The following SMAD6 variants were observed in gnomAD, a reference collection of about 807,000 sequenced individuals.
SMAD6 encodes the protein SMAD family member 6, also known as MAD homolog 6.
SMAD6 carries 103 observed loss-of-function variants against 39.4 expected under a neutral mutation model. The observed-to-expected ratio is 2.62, with a 90% CI of 2.23 to 3.08. SMAD6 has a LOEUF of 3.08. SMAD6 is among the 30% of genes most tolerant of loss of function. SMAD6 has a pLI of 0.00. For missense variants in SMAD6, 1,104 were observed against 742.9 expected (o/e 1.49, Z -5.65); for synonymous variants, 445 against 353.3 (o/e 1.26, Z -2.91).
chr15:66,756,676 A>G (rs938042123), intron 3 of SMAD6, among the ~76,000 whole-genome samples: 4 of 26,220 alleles, frequency 1.5e-4, no homozygotes, highest in African/African-American at 6.5e-4. Flanking sequence ...GCCAGTGGAG[A>G]TTGGGGCCAG....
intron 1 of SMAD6, among the ~76,000 whole-genome samples, chr15:66,709,460 G>A (rs1893185497): frequency 6.6e-6 from 1 of 152,142 alleles, no homozygotes; most frequent in South Asian, 2.1e-4. Flanking sequence ...CACCTTTTGA[G>A]TCCCAGGTAA....
chr15:66,774,363 C>T (rs1894429381), intron 3 of SMAD6, among the ~76,000 whole-genome samples: 1 of 152,230 alleles, frequency 6.6e-6, no homozygotes, highest in African/African-American at 2.4e-5. Flanking sequence ...TGTCCCTGCA[C>T]CCCCACAAAA....
At chr15:66,746,736 A>G (rs1460407237) in intron 3 of SMAD6, among the ~76,000 whole-genome samples, 1 of 152,150 alleles carries the variant, frequency 6.6e-6, no homozygotes, top group Non-Finnish European at 1.5e-5. Flanking sequence ...ACGATAATCA[A>G]ACTGCTCAGG....
intron 3 of SMAD6, among the ~76,000 whole-genome samples, chr15:66,773,064 G>A (rs1894405209): frequency 6.6e-6 from 1 of 152,112 alleles, no homozygotes; most frequent in Non-Finnish European, 1.5e-5. Context: ...CCAGTGTAGA[G>A]ACCAGCCGCC....
chr15:66,782,278 G>A lies in SMAD6; in HGVS notation c.*743G>A. The A allele has an allele frequency of 5.1e-6, 1 of 196,870 alleles. No homozygotes were observed. The highest frequency in any genetic ancestry group is 1.0e-5 in the Non-Finnish European group (1 of 98,814). 12.2% of individuals were successfully genotyped at this position (196,870 alleles called of 1,614,324 possible). A position where few individuals can be genotyped will look rare whatever the true frequency, so the allele number is the denominator to read the frequency against. On this transcript the variant is annotated 3_prime_UTR_variant, in exon 4 of 4. Transcript: ENST00000288840. ...CTGGACAAGCTCTTCCAGTCTGATG[G>A]AGGAGGTTCATGCCCTAGCCTAGAA...
chr15:66,735,510 A>C (rs530833600), intron 3 of SMAD6, among the ~76,000 whole-genome samples: 1 of 152,202 alleles, frequency 6.6e-6, no homozygotes, highest in Non-Finnish European at 1.5e-5. Flanking sequence ...ATAACTGTTG[A>C]ATCTGGGTGA....
rs534603974 is a variant in SMAD6 at position 66,773,236 on chromosome 15, C to T, written c.953-7761C>T. 3.4e-4 allele frequency among the ~76,000 whole-genome samples: 52 copies of T among 151,898 alleles called. No individual in the cohort carries two copies. In the East Asian group the frequency reaches 9.7e-3, roughly 28 times the overall value. ...GGGGGTGGGGAGGGGTGGGTGGGAG[C>T]GAGTAAGAGGAAACTCCTGTCAGCT... is the stretch of plus-strand genomic sequence containing the variant. On this transcript the variant is annotated intron_variant, in intron 3 of 3. Coordinates refer to ENST00000288840, the MANE Select transcript of SMAD6 (RefSeq NM_005585.5).
chr15:66,747,917 C>G lies in SMAD6; in HGVS notation c.952+31419C>G, dbSNP rs78233879. ...TGGCCTAAAGTCTTCCCTGAGAGCC[C>G]TTTGCACCCCACTTCTCTTTCTCCG... On this transcript the variant is annotated intron_variant, in intron 3 of 3. Coordinates refer to ENST00000288840, the MANE Select transcript of SMAD6 (RefSeq NM_005585.5). The surrounding 1 kb of genome is among the most constrained non-coding windows in gnomAD (Gnocchi z 4.5). Among the ~76,000 whole-genome samples, 3 of 152,128 alleles carry G rather than the reference C, an allele frequency of 2.0e-5. No homozygotes were observed. The highest frequency in any genetic ancestry group is 7.2e-5 in the African/African-American group (3 of 41,438).
At chr15:66,723,489 G>A (rs1483686722) in intron 3 of SMAD6, among the ~76,000 whole-genome samples, 4 of 152,022 alleles carry the variant, frequency 2.6e-5, no homozygotes, top group African/African-American at 7.3e-5. Flanking sequence ...CCAGCCGGGG[G>A]CAACATAGCA....
intron 3 of SMAD6, among the ~76,000 whole-genome samples, chr15:66,762,743 G>A (rs4467023): frequency 0.44 from 66,071 of 151,836 alleles, 14,853 homozygotes; most frequent in Admixed American, 0.54. Context: ...CAACTGTACC[G>A]TTGATTAAGG....
At chr15:66,764,212 T>C (rs556055981) in intron 3 of SMAD6, among the ~76,000 whole-genome samples, 2 of 152,388 alleles carry the variant, frequency 1.3e-5, no homozygotes, top group East Asian at 3.9e-4. Context: ...CGATTTGTAA[T>C]TGGTATGCCA....
chr15:66,703,850 CGCGGCGGCGTGCCGG>C lies in SMAD6; in HGVS notation c.598_612del (p.Gly200_Gly204del), dbSNP rs1893041483. 3 of 1,356,454 alleles carry C rather than the reference CGCGGCGGCGTGCCGG, an allele frequency of 2.2e-6. No homozygotes were observed. Among genetic ancestry groups the C allele is most frequent in the Non-Finnish European group, 2.9e-6 (3 of 1,043,054 alleles). The allele number at this position is 1,356,454 out of a possible 1,614,324, so 84.0% of individuals were successfully genotyped here. On this transcript the variant is annotated inframe_deletion, in exon 1 of 4. Transcript: ENST00000288840. Reference sequence around the variant, plus strand: ...CACGCTGCTGGAGGCGGTGGAGTCCCGCGGCGGCGTGCCGGGCGGCTGCGTGCTGGTGCCGCGCGC... The same window carrying C: ...CACGCTGCTGGAGGCGGTGGAGTCCCGCGGCTGCGTGCTGGTGCCGCGCGC...
chr15:66,744,049 G>A (rs1303793209), intron 3 of SMAD6, among the ~76,000 whole-genome samples: 1 of 152,060 alleles, frequency 6.6e-6, no homozygotes, highest in East Asian at 1.9e-4. Context: ...TATGTTCCTA[G>A]AAGTGGGATT....
In SMAD6 at chr15:66,781,464, C is replaced by T; in HGVS notation, c.1420C>T (p.Pro474Ser). ...CATCAGCTTCGCCAAGGGCTGGGGG[C>T]CCTGCTACTCCCGGCAGTTCATCAC... Reference protein sequence around the residue: ...VRISFAKGWGPCYSRQFITSC... With the variant: ...VRISFAKGWGSCYSRQFITSC... Residue 474 changes from proline (P) to serine (S), a missense_variant, in exon 4 of 4, where the codon CCC becomes TCC. Physicochemically the swap from Pro to Ser is moderately conservative, Grantham distance 74. Transcript: ENST00000288840. 6.2e-7 allele frequency: 1 copy of T among 1,603,008 alleles called. No individual in the cohort carries two copies. Among genetic ancestry groups the T allele is most frequent in the Middle Eastern group, 1.7e-4 (1 of 6,046 alleles).
intron 3 of SMAD6, among the ~76,000 whole-genome samples, chr15:66,764,155 T>A (rs1894251582): frequency 2.0e-5 from 3 of 152,188 alleles, no homozygotes; most frequent in Non-Finnish European, 2.9e-5. Flanking sequence ...GGATAATATT[T>A]CCCGTTAGAG....
Position 66,782,573 on chromosome 15 carries a change from T to C in SMAD6, c.*1038T>C, listed in dbSNP as rs1894597653. On this transcript the variant is annotated 3_prime_UTR_variant, in exon 4 of 4. Coordinates refer to ENST00000288840, the MANE Select transcript of SMAD6 (RefSeq NM_005585.5). ...TAAAGGCAGATGGTTTATTTCTACT[T>C]TGTGAAAGGGAAAAGTTGAGGTTCT... 1 of 152,182 alleles carries C rather than the reference T, an allele frequency of 6.6e-6. No individual in the cohort carries two copies. Among genetic ancestry groups the C allele is most frequent in the South Asian group, 2.1e-4 (1 of 4,836 alleles). 9.4% of individuals were successfully genotyped at this position (152,182 alleles called of 1,614,324 possible).
At chr15:66,732,518 G>T (rs1487073367) in intron 3 of SMAD6, among the ~76,000 whole-genome samples, 1 of 151,968 alleles carries the variant, frequency 6.6e-6, no homozygotes, top group African/African-American at 2.4e-5. Context: ...ATCTGGCCAA[G>T]TTTTATTTTA....
intron 3 of SMAD6, among the ~76,000 whole-genome samples, chr15:66,761,827 G>A (rs1219594979): frequency 6.6e-6 from 1 of 152,144 alleles, no homozygotes; most frequent in Non-Finnish European, 1.5e-5. Context: ...CTGCTAGACG[G>A]TACATTCCAC....
chr15:66,778,619 C>T (rs1894506933), intron 3 of SMAD6, among the ~76,000 whole-genome samples: 1 of 152,270 alleles, frequency 6.6e-6, no homozygotes, highest in Middle Eastern at 3.4e-3. Context: ...ACCATGAGAG[C>T]AGTCATGCTT....
Sources: allele counts gnomAD v4.1 joint callset (sites outside exome capture counted in the v4.1 genomes callset), GRCh38; gene constraint gnomAD v4.1.1; non-coding constraint Gnocchi (gnomAD v3.1); transcripts MANE v1.5; gene names NCBI Gene and HGNC (gene_info 2026-07-23, HGNC 2026-07-21).